Variants in MYBPC1 observed in about 807,000 individuals in gnomAD.
The protein encoded by MYBPC1 is myosin binding protein C1, also known as myosin-binding protein C, slow-type.
Under a neutral mutation model 147.1 loss-of-function variants are expected in MYBPC1, and 52 were observed. The ratio of observed to expected loss-of-function variants is 0.35; its 90% CI spans 0.28 to 0.45. The LOEUF (loss-of-function observed/expected upper bound fraction) is 0.45, where lower values mean the gene tolerates loss of function less well. MYBPC1 is among the 20% of genes least tolerant of loss of function. The probability of loss-of-function intolerance (pLI) is 1.00; values close to 1 mark genes in which losing one functional copy is unlikely to be tolerated. For synonymous variants in MYBPC1, 477 were observed against 475.9 expected (o/e 1.00, Z -0.03); for missense variants, 1,228 against 1,440.3 (o/e 0.85, Z 2.39).
chr12:101,670,484 C>G (rs1195464768), intron 24 of MYBPC1, 75 bp downstream of exon 24: 6 of 1,194,610 alleles, frequency 5.0e-6, no homozygotes, highest in Non-Finnish European at 6.3e-6. Flanking sequence ...GGTACTCTAG[C>G]ATTTAAGTTC....
rs1401266814 is a variant in MYBPC1, at chr12:101,636,729, G to A, written c.665+1G>A. Reference sequence around the variant, plus strand: ...ACTTTAGTGGTCTCCTGAAACGTAGGTGAGAACAAAGTGATGGAGTGAGAC... The same window carrying A: ...ACTTTAGTGGTCTCCTGAAACGTAGATGAGAACAAAGTGATGGAGTGAGAC... On this transcript the variant is annotated splice_donor_variant, in intron 10 of 31. Coordinates refer to ENST00000361466, the MANE Select transcript of MYBPC1 (RefSeq NM_002465.4). LOFTEE classifies it high-confidence loss of function. The A allele has an allele frequency of 6.2e-7, 1 of 1,613,158 alleles. No homozygotes were observed. The highest frequency in any genetic ancestry group is 1.7e-5 in the Admixed American group (1 of 60,004).
At chr12:101,654,883 T>G (rs1028364348) in intron 18 of MYBPC1, among the ~76,000 whole-genome samples, 1 of 152,150 alleles carries the variant, frequency 6.6e-6, no homozygotes, top group Middle Eastern at 3.2e-3. Flanking sequence ...ACCCACCTAA[T>G]AAGTCATAAA....
chr12:101,669,951 A>AAAAAAAACTAT, intron 23 of MYBPC1: 1 of 343,372 alleles, frequency 2.9e-6, no homozygotes, highest in Non-Finnish European at 5.5e-6. Context: ...AAAAAAAAAA[A>AAAAAAAACTAT]GAAACTATGA....
intron 22 of MYBPC1, chr12:101,666,438 C>T (rs1897428216): frequency 2.7e-6 from 1 of 371,568 alleles, no homozygotes; most frequent in Admixed American, 4.0e-5. Context: ...CTTTGTTCTT[C>T]TCTATCTCTT....
the MYBPC1 span, among the ~76,000 whole-genome samples, chr12:101,695,807 T>C: frequency 6.6e-6 from 1 of 152,158 alleles, no homozygotes; most frequent in African/African-American, 2.4e-5. Context: ...ACTTCTTTTA[T>C]GTGAGAGAGA....
intron 31 of MYBPC1, 49 bp downstream of exon 31, chr12:101,684,473 C>T: frequency 7.2e-7 from 1 of 1,383,250 alleles, no homozygotes; most frequent in Non-Finnish European, 1.0e-6. Context: ...CTGTCATAAG[C>T]CATACCAAGC....
At position 101,595,075 on chromosome 12, in the gene MYBPC1, C is replaced by T; in HGVS notation, c.5C>T (p.Pro2Leu). Residue 2 changes from proline to leucine, a missense_variant, in exon 1 of 32, where the codon CCA (proline) becomes CTA (leucine). Transcript: ENST00000361466. The part of the protein sequence containing the change: M[P>L]EPTKKEENEV... The stretch of plus-strand genomic sequence containing the variant: ...GAATAACATCTTATTGTGGCCATGC[C>T]AGAACCCACTAAGAAAGAGGGTAAG... The T allele has an allele frequency of 6.2e-7, 1 of 1,612,866 alleles. No individual in the cohort carries two copies. The highest frequency in any genetic ancestry group is 8.5e-7 in the Non-Finnish European group (1 of 1,179,154).
chr12:101,607,000 AT>A (rs1882463222), intron 1 of MYBPC1, among the ~76,000 whole-genome samples: 1 of 151,838 alleles, frequency 6.6e-6, no homozygotes, highest in African/African-American at 2.4e-5. Context: ...AATTTCTTGT[AT>A]TTTTGGTAGA....
chr12:101,662,255 A>G lies in MYBPC1; in HGVS notation c.2033-103A>G. The G allele has an allele frequency of 2.9e-6, 3 of 1,018,478 alleles. No homozygotes were observed. The South Asian group carries it at 4.2e-5, about 14-fold the overall frequency. 63.1% of individuals were successfully genotyped at this position (1,018,478 alleles called of 1,614,324 possible). On this transcript the variant is annotated intron_variant, in intron 20 of 31. Coordinates refer to ENST00000361466, the MANE Select transcript of MYBPC1 (RefSeq NM_002465.4). ...ACATACATATATGACTATTTCACAT[A>G]GATTGATGACAAAATGCAAAATTTT...
Position 101,680,514 on chromosome 12 carries a change from A to G in MYBPC1, c.3418A>G (p.Lys1140Glu). The change falls in exon 29 of 32, where the codon AAA becomes GAA. Residue 1140 changes from lysine to glutamate, a missense_variant. This residue lies in a region of MYBPC1 where 1,077 missense variants were observed against 1,314.2 expected (regional missense o/e 0.82). Coordinates refer to ENST00000361466, the MANE Select transcript of MYBPC1 (RefSeq NM_002465.4). Reference sequence around the variant, plus strand: ...CCTTGGGACAGTGGAGATTGAATGCAAACTGGAGGTGAAAGGTATGACATC... The same window carrying G: ...CCTTGGGACAGTGGAGATTGAATGCGAACTGGAGGTGAAAGGTATGACATC... ...NDLGTVEIEC[K>E]LEVKVIYQGV... The G allele has an allele frequency of 1.2e-6, 2 of 1,614,110 alleles. No individual in the cohort carries two copies. The highest frequency in any genetic ancestry group is 1.1e-5 in the South Asian group (1 of 91,082).
chr12:101,666,652 C>A, intron 22 of MYBPC1: 1 of 1,234,614 alleles, frequency 8.1e-7, no homozygotes, highest in Non-Finnish European at 1.2e-6. Context: ...ACTTTGCATA[C>A]TTTACTAACA....
chr12:101,599,358 C>A (rs189442004), intron 1 of MYBPC1, among the ~76,000 whole-genome samples: 9 of 152,062 alleles, frequency 5.9e-5, no homozygotes, highest in African/African-American at 2.2e-4. Context: ...ATTTCTGTAT[C>A]TTTTTTTTCT....
intron 1 of MYBPC1, among the ~76,000 whole-genome samples, chr12:101,598,240 G>A (rs932596658): frequency 9.9e-5 from 15 of 152,018 alleles, no homozygotes; most frequent in East Asian, 3.9e-4. Flanking sequence ...GGCTGGTCTC[G>A]AACCGCTGAC....
At position 101,678,126 on chromosome 12, in the gene MYBPC1, A is replaced by G; in HGVS notation, c.3134A>G (p.Tyr1045Cys). The stretch of plus-strand genomic sequence containing the variant: ...GGTAAAATCTACAAAAATCCAGTGT[A>G]TGAAGACTTTGATTTCTCAGAGGCA... ...RDGKIYKNPV[Y>C]EDFDFSEAPM... The change falls in exon 28 of 32, where the codon TAT becomes TGT. Residue 1045 changes from tyrosine (Y) to cysteine (C), a missense_variant. By Grantham distance (194) the Tyr-to-Cys change is radical (BLOSUM62 -2). Transcript: ENST00000361466. 6.2e-7 allele frequency: 1 copy of G among 1,613,840 alleles called. No homozygotes were observed. The highest frequency in any genetic ancestry group is 8.5e-7 in the Non-Finnish European group (1 of 1,179,666).
intron 3 of MYBPC1, among the ~76,000 whole-genome samples, chr12:101,617,531 A>G (rs1886408694): frequency 6.6e-6 from 1 of 152,222 alleles, no homozygotes; most frequent in Middle Eastern, 3.2e-3. Flanking sequence ...GCATGCTAAG[A>G]AAGAGAGGTG....
At chr12:101,615,348 G>A (rs1885614888) in intron 2 of MYBPC1, among the ~76,000 whole-genome samples, 1 of 152,088 alleles carries the variant, frequency 6.6e-6, no homozygotes, top group African/African-American at 2.4e-5. Context: ...CTCCAAAGTG[G>A]CCTTCCTCAT....
intron 18 of MYBPC1, 21 bp from the exon 19 acceptor site, chr12:101,659,651 T>C: frequency 1.2e-6 from 2 of 1,613,924 alleles, no homozygotes; most frequent in Non-Finnish European, 1.7e-6. Context: ...TCATGCCACA[T>C]TTTGTTTCTC....
downstream of MYBPC1, among the ~76,000 whole-genome samples, chr12:101,690,264 T>G (rs1951394947): frequency 6.6e-6 from 1 of 152,198 alleles, no homozygotes; most frequent in South Asian, 2.1e-4. Context: ...GTGATTTGTG[T>G]GCTCATTCAT....
intron 23 of MYBPC1, among the ~76,000 whole-genome samples, chr12:101,668,527 T>C (rs926603334): frequency 6.6e-6 from 1 of 151,358 alleles, no homozygotes; most frequent in Non-Finnish European, 1.5e-5. Context: ...AATGGCACAA[T>C]CTTGGCCACT....
Sources: gnomAD v4.1 joint callset for allele counts (sites outside exome capture counted in the v4.1 genomes callset) on GRCh38, gnomAD v4.1.1 for gene constraint, gnomAD v4.1.1 regional missense constraint, MANE v1.5 for transcripts, NCBI Gene and HGNC (gene_info 2026-07-23, HGNC 2026-07-21) for gene names.